Variants in SMN1 observed in about 807,000 individuals in gnomAD.
SMN1 encodes the protein survival of motor neuron 1, telomeric.
For synonymous variants in SMN1, 3 were observed against 5.1 expected (o/e 0.58, Z 0.56); for missense variants, 15 against 17.1 (o/e 0.88, Z 0.22).
At chr5:70,951,876 T>C in intron 7 of SMN1, 65 bp from the exon 8 acceptor site, 4 of 1,382,970 alleles carry the variant, frequency 2.9e-6, no homozygotes, top group Non-Finnish European at 3.1e-6. Context: ...CATATAAAGC[T>C]ATCTATATAT....
downstream of SMN1, among the ~76,000 whole-genome samples, chr5:70,956,816 T>C (rs1452798780): frequency 6.8e-6 from 1 of 148,104 alleles, no homozygotes; most frequent in Non-Finnish European, 1.5e-5. Flanking sequence ...TTTGGTTCCA[T>C]ATGAACTTTA....
At chr5:70,955,275 C>CTTTT, downstream of SMN1, among the ~76,000 whole-genome samples, 1 of 119,752 alleles carries the variant, frequency 8.4e-6, no homozygotes, top group African/African-American at 3.1e-5. Context: ...CTTCTGTACA[C>CTTTT]TTTTTTTTTT....
chr5:70,952,081 AG>A (rs1428064151), intron 8 of SMN1, 87 bp downstream of exon 8: 1 of 1,598,648 alleles, frequency 6.3e-7, no homozygotes, highest in Non-Finnish European at 8.5e-7. Context: ...ACATTTAAAA[AG>A]TTCAGATGTT....
downstream of SMN1, among the ~76,000 whole-genome samples, chr5:70,955,749 C>T (rs1303382737): frequency 1.3e-5 from 2 of 148,182 alleles, no homozygotes; most frequent in Non-Finnish European, 3.0e-5. Flanking sequence ...CATGCCACTA[C>T]ACTCCAGCCT....
Position 70,951,964 on chromosome 5 carries a change from A to C in SMN1, c.858A>C (p.Glu286Asp). Residue 286 changes from glutamate (E) to aspartate (D), a missense_variant, in exon 8 of 9, where the codon GAA becomes GAC. Transcript: ENST00000380707. ...YYMGFRQNQK[E>D]GRCSHSLN The stretch of plus-strand genomic sequence containing the variant: ...AGGGTTTCAGACAAAATCAAAAAGA[A>C]GGAAGGTGCTCACATTCCTTAAATT... 1 of 1,613,094 alleles carries C rather than the reference A, an allele frequency of 6.2e-7. No individual in the cohort carries two copies. The highest frequency in any genetic ancestry group is 8.5e-7 in the Non-Finnish European group (1 of 1,179,380).
At chr5:70,952,159 A>G in intron 8 of SMN1, 165 bp downstream of exon 8, 2 of 1,469,042 alleles carry the variant, frequency 1.4e-6, no homozygotes, top group South Asian at 2.8e-5. Flanking sequence ...CTATTAGATA[A>G]AAGGTTAATC....
At chr5:70,958,689 T>C (rs1254983648), downstream of SMN1, among the ~76,000 whole-genome samples, 2 of 131,632 alleles carry the variant, frequency 1.5e-5, no homozygotes, top group Non-Finnish European at 3.3e-5. Context: ...CAGTTTGTTA[T>C]AATTTCTGTT....
At chr5:70,959,396 T>TA in the SMN1 span, among the ~76,000 whole-genome samples, 1 of 144,924 alleles carries the variant, frequency 6.9e-6, no homozygotes, top group African/African-American at 2.5e-5. Flanking sequence ...CCCTAAAACT[T>TA]AAAGTATAAT....
chr5:70,959,441 AATT>A, the SMN1 span, among the ~76,000 whole-genome samples: 1 of 131,576 alleles, frequency 7.6e-6, no homozygotes, highest in East Asian at 2.3e-4. Flanking sequence ...AAAAATTAAA[AATT>A]TAAAAAAAAG....
In SMN1 at chr5:70,945,616, G is replaced by C. The variant is rs950329213; in HGVS notation, c.724-450G>C. On this transcript the variant is annotated intron_variant, in intron 6 of 8. Coordinates refer to ENST00000380707, the MANE Select transcript of SMN1 (RefSeq NM_000344.4). Reference sequence around the variant, plus strand: ...GTGTGTGTGTATTAAGGAAAAGCATGAAAGTATTTATGCTTGATTTTTTTT... The same window carrying C: ...GTGTGTGTGTATTAAGGAAAAGCATCAAAGTATTTATGCTTGATTTTTTTT... Among the ~76,000 whole-genome samples, 7 of 106,434 alleles carry C rather than the reference G, an allele frequency of 6.6e-5. 3 individuals are homozygous for C. The highest frequency in any genetic ancestry group is 3.2e-4 in the African/African-American group (7 of 22,094). The allele number at this position is 106,434 out of a possible 152,430, so 69.8% of individuals were successfully genotyped here.
At chr5:70,956,728 A>G (rs1401621680), downstream of SMN1, among the ~76,000 whole-genome samples, 14 of 150,240 alleles carry the variant, frequency 9.3e-5, 1 homozygote, top group Non-Finnish European at 1.6e-4. Flanking sequence ...GCCTTGTAGT[A>G]TAGTTTGAAG....
intron 7 of SMN1, among the ~76,000 whole-genome samples, chr5:70,948,155 GA>G (rs1432575680): frequency 1.3e-4 from 8 of 61,138 alleles, no homozygotes; most frequent in African/African-American, 3.8e-4. Flanking sequence ...TGAAATATTT[GA>G]AAAAAATACA....
chr5:70,950,315 G>T (rs1367559522), intron 7 of SMN1, among the ~76,000 whole-genome samples: 1 of 147,864 alleles, frequency 6.8e-6, no homozygotes, highest in Non-Finnish European at 1.5e-5. Context: ...TACTTGGGAG[G>T]CTGAGGCAGG....
intron 6 of SMN1, among the ~76,000 whole-genome samples, chr5:70,945,648 T>C (rs1749541580): frequency 1.3e-5 from 1 of 79,514 alleles, no homozygotes; most frequent in Non-Finnish European, 2.3e-5. Flanking sequence ...TTTTTTTTAC[T>C]CATAGCTTCA....
chr5:70,959,099 C>T, the SMN1 span, among the ~76,000 whole-genome samples: 3 of 150,404 alleles, frequency 2.0e-5, no homozygotes, highest in Admixed American at 6.7e-5. Context: ...AGTTCATGTC[C>T]TTTGTAGGGA....
the SMN1 span, among the ~76,000 whole-genome samples, chr5:70,960,373 G>A: frequency 0.13 from 18,977 of 149,076 alleles, 1,933 homozygotes; most frequent in Admixed American, 0.18. Context: ...ACACAGAGGT[G>A]AAAAATTTGA....
downstream of SMN1, among the ~76,000 whole-genome samples, chr5:70,957,477 T>C (rs1749932748): frequency 6.7e-6 from 1 of 149,158 alleles, no homozygotes; most frequent in Non-Finnish European, 1.5e-5. Flanking sequence ...TCTTATTATT[T>C]TGAGATACGT....
Position 70,950,262 on chromosome 5 carries a change from A to G in SMN1, c.835-1679A>G, listed in dbSNP as rs578148208. On this transcript the variant is annotated intron_variant, in intron 7 of 8. Transcript: ENST00000380707. ...GAGAAACCCTGTCTCTACTAAAAAT[A>G]CAAAACTAGCCGGGCATGGTGGCGC... Among the ~76,000 whole-genome samples, 93 of 145,420 alleles carry G rather than the reference A, an allele frequency of 6.4e-4. 2 individuals are homozygous for G. In the East Asian group the frequency reaches 0.019, roughly 30 times the overall value.
At chr5:70,951,360 G>A (rs1425745287) in intron 7 of SMN1, among the ~76,000 whole-genome samples, 11 of 151,766 alleles carry the variant, frequency 7.2e-5, no homozygotes, top group Middle Eastern at 3.4e-3. Context: ...TGCAGCCTCC[G>A]CCTCCTGGGT....
Sources: allele counts gnomAD v4.1 joint callset (sites outside exome capture counted in the v4.1 genomes callset), GRCh38; gene constraint gnomAD v4.1.1; transcripts MANE v1.5; gene names NCBI Gene and HGNC (gene_info 2026-07-23, HGNC 2026-07-21).